SLIT3: variants seen among roughly 807,000 people sequenced by gnomAD.
SLIT3 encodes slit homolog 3 protein.
In SLIT3, 68 loss-of-function variants were observed where a neutral mutation model predicts 184.0. The observed-to-expected ratio is 0.37, with a 90% CI of 0.30 to 0.45. The LOEUF is 0.45. SLIT3 is among the 20% of genes least tolerant of loss of function. The pLI is 1.00. For synonymous variants in SLIT3, 831 were observed against 828.6 expected, an observed-to-expected ratio of 1.00 and a Z score of -0.05; for missense variants, 1,707 against 2,026.0, an observed-to-expected ratio of 0.84 and a Z score of 3.02.
At chr5:169,172,431 G>A (rs1762846583) in intron 4 of SLIT3, among the ~76,000 whole-genome samples, 1 of 152,172 alleles carries the variant, frequency 6.6e-6, no homozygotes, top group Non-Finnish European at 1.5e-5. Flanking sequence ...AGGTGTTTGG[G>A]AACTAGCTGC....
chr5:168,889,667 G>A (rs1353488441), intron 4 of SLIT3, among the ~76,000 whole-genome samples: 2 of 152,174 alleles, frequency 1.3e-5, no homozygotes, highest in Non-Finnish European at 2.9e-5. Flanking sequence ...CAGCTCAGAT[G>A]CTTATTTCCC....
At chr5:169,080,241 A>G (rs12187940) in intron 4 of SLIT3, among the ~76,000 whole-genome samples, 6,100 of 152,284 alleles carry the variant, frequency 0.04, 166 homozygotes, top group Middle Eastern at 0.11. Flanking sequence ...GTCAGGGCCT[A>G]GTCAAAAAGA....
chr5:169,244,835 T>G (rs1765534007), intron 2 of SLIT3, 59 bp from the exon 3 acceptor site: 2 of 1,438,038 alleles, frequency 1.4e-6, no homozygotes, highest in Non-Finnish European at 2.0e-6. Context: ...ACCCTCATAC[T>G]AGGCTTCATG....
chr5:169,242,648 C>A (rs899608699), intron 3 of SLIT3, among the ~76,000 whole-genome samples: 1 of 152,178 alleles, frequency 6.6e-6, no homozygotes, highest in African/African-American at 2.4e-5. Context: ...GAGGCCTTAT[C>A]AGGAATGCCC....
chr5:168,735,592 G>C (rs886568941), intron 20 of SLIT3, among the ~76,000 whole-genome samples: 3 of 151,714 alleles, frequency 2.0e-5, no homozygotes, highest in African/African-American at 2.4e-5. Flanking sequence ...ACAGTTCTCA[G>C]AGCAGTACCC....
intron 6 of SLIT3, among the ~76,000 whole-genome samples, chr5:168,831,195 T>C (rs891913028): frequency 7.9e-5 from 12 of 151,926 alleles, no homozygotes; most frequent in Admixed American, 2.6e-4. Context: ...CCCTGTAGAA[T>C]AGAAAGTACA....
intron 4 of SLIT3, among the ~76,000 whole-genome samples, chr5:168,918,482 C>G (rs1234131439): frequency 1.3e-5 from 2 of 152,338 alleles, no homozygotes; most frequent in African/African-American, 4.8e-5. Context: ...GCCTGTTTGT[C>G]AACGGCTGCA....
intron 4 of SLIT3, among the ~76,000 whole-genome samples, chr5:168,942,322 G>T (rs1762357755): frequency 6.6e-6 from 1 of 152,080 alleles, no homozygotes; most frequent in South Asian, 2.1e-4. Flanking sequence ...TGGACTCTTT[G>T]AATTTTTAGT....
intron 4 of SLIT3, among the ~76,000 whole-genome samples, chr5:169,094,514 T>C (rs958226820): frequency 6.6e-6 from 1 of 152,110 alleles, no homozygotes; most frequent in Non-Finnish European, 1.5e-5. Flanking sequence ...CCTGTAGTCC[T>C]AACTAGTTGG....
chr5:169,009,428 C>A (rs138782062), intron 4 of SLIT3, among the ~76,000 whole-genome samples: 1 of 152,208 alleles, frequency 6.6e-6, no homozygotes, highest in Non-Finnish European at 1.5e-5. Context: ...CTTCCCTCCT[C>A]GCCGAAAAGC....
chr5:169,213,244 T>A (rs1764327552), intron 3 of SLIT3, among the ~76,000 whole-genome samples: 1 of 147,282 alleles, frequency 6.8e-6, no homozygotes, highest in Non-Finnish European at 1.5e-5. Flanking sequence ...TACCTAGGAA[T>A]ACAACTTACA....
At chr5:169,069,278 C>A (rs1758457867) in intron 4 of SLIT3, among the ~76,000 whole-genome samples, 1 of 152,206 alleles carries the variant, frequency 6.6e-6, no homozygotes, top group Admixed American at 6.5e-5. Flanking sequence ...TGGGTACCAC[C>A]TTCCAGGTGC....
At chr5:168,724,562 AC>A in intron 20 of SLIT3, 78 bp from the exon 21 acceptor site, 1 of 1,255,354 alleles carries the variant, frequency 8.0e-7, no homozygotes, top group Non-Finnish European at 1.1e-6. Flanking sequence ...AGCCTCCCTG[AC>A]TTTCCAGGCT....
At position 168,774,204 on chromosome 5, in the gene SLIT3, C is replaced by T. The variant is rs115925769; in HGVS notation, c.1295+31G>A. 2,149 of 1,567,300 alleles carry T rather than the reference C, an allele frequency of 1.4e-3. 31 individuals carry two copies. The African/African-American group carries it at 0.026, about 19-fold the overall frequency. On this transcript the variant is annotated intron_variant, in intron 13 of 35. Coordinates refer to ENST00000519560, the MANE Select transcript of SLIT3 (RefSeq NM_003062.4). ...CATTTGGGGTCTCCTGCTGCTTGGG[C>T]ACCCACTGGCACCCGAGGCAGTGTA...
At chr5:168,784,199 C>A (rs1756073546) in intron 12 of SLIT3, among the ~76,000 whole-genome samples, 1 of 152,170 alleles carries the variant, frequency 6.6e-6, no homozygotes, top group African/African-American at 2.4e-5. Flanking sequence ...ACTCTTCTTT[C>A]AAGGGATTAA....
chr5:169,152,629 G>C (rs536091721), intron 4 of SLIT3, among the ~76,000 whole-genome samples: 1 of 152,152 alleles, frequency 6.6e-6, no homozygotes, highest in African/African-American at 2.4e-5. Flanking sequence ...CTGTGTGGGC[G>C]TGGCACATGG....
intron 4 of SLIT3, among the ~76,000 whole-genome samples, chr5:168,978,309 C>T (rs1035383722): frequency 2.0e-5 from 3 of 152,234 alleles, no homozygotes; most frequent in African/African-American, 7.2e-5. Context: ...TCACCTATGA[C>T]TGCTCCCATT....
intron 4 of SLIT3, among the ~76,000 whole-genome samples, chr5:169,027,980 G>C (rs1307553168): frequency 6.6e-6 from 1 of 152,030 alleles, no homozygotes; most frequent in East Asian, 1.9e-4. Flanking sequence ...CCTTTATCTC[G>C]TCACATTACT....
chr5:169,225,636 G>A (rs1199426387), intron 3 of SLIT3, among the ~76,000 whole-genome samples: 4 of 152,260 alleles, frequency 2.6e-5, no homozygotes, highest in Admixed American at 6.5e-5. Flanking sequence ...CACGCCCGAG[G>A]GGCAGGGAAG....
Sources: allele counts gnomAD v4.1 joint callset (sites outside exome capture counted in the v4.1 genomes callset), GRCh38; gene constraint gnomAD v4.1.1; transcripts MANE v1.5; gene names NCBI Gene and HGNC (gene_info 2026-07-23, HGNC 2026-07-21).